The following MLIP variants were observed in gnomAD, a reference collection of about 807,000 sequenced individuals.
MLIP encodes muscular LMNA-interacting protein.
MLIP carries 79 observed loss-of-function variants against 84.8 expected under a neutral mutation model. The observed-to-expected ratio is 0.93, with a 90% CI of 0.78 to 1.12. MLIP has a LOEUF of 1.12. MLIP is among the 50% of genes most tolerant of loss of function. MLIP has a pLI of 0.00. For synonymous variants in MLIP, 504 were observed against 463.0 expected, an observed-to-expected ratio of 1.09 and a Z score of -1.14; for missense variants, 1,257 against 1,160.6, an observed-to-expected ratio of 1.08 and a Z score of -1.21.
rs375089613 is a variant in MLIP at position 54,092,818 on chromosome 6, T to C, written c.64-28629T>C. ...TCCCATTGACTTTCCATCACTTCAG[T>C]GTGTGATTTGAGTGGTTTTATTGCA... On this transcript the variant is annotated intron_variant, in intron 1 of 12. Transcript: ENST00000274897. 2.8e-4 allele frequency among the ~76,000 whole-genome samples: 43 copies of C among 152,200 alleles called. No homozygotes were observed. The South Asian group carries it at 5.0e-3, about 18-fold the overall frequency.
At chr6:54,156,813 T>C (rs561337365) in intron 5 of MLIP, among the ~76,000 whole-genome samples, 1 of 152,252 alleles carries the variant, frequency 6.6e-6, no homozygotes, top group African/African-American at 2.4e-5. Context: ...TATCATATTT[T>C]CTGTAGTCTA....
intron 8 of MLIP, among the ~76,000 whole-genome samples, chr6:54,168,833 G>C (rs1483889059): frequency 1.5e-4 from 22 of 147,560 alleles, no homozygotes; most frequent in Non-Finnish European, 3.0e-5. Flanking sequence ...TGGATGGTAA[G>C]GTCAATTTAG....
intron 11 of MLIP, chr6:54,215,370 G>T: frequency 7.7e-7 from 1 of 1,296,978 alleles, no homozygotes; most frequent in East Asian, 3.0e-5. Context: ...ACAAAAATGG[G>T]GCTACTAATC....
At chr6:54,261,490 T>C (rs1562120303) in intron 13 of MLIP, 11 of 740,052 alleles carry the variant, frequency 1.5e-5, no homozygotes, top group Non-Finnish European at 1.6e-5. Context: ...CAAATTCTTG[T>C]GTTTTCTTAT....
chr6:54,028,526 C>T (rs1193847886), intron 1 of MLIP, among the ~76,000 whole-genome samples: 1 of 152,184 alleles, frequency 6.6e-6, no homozygotes, highest in Non-Finnish European at 1.5e-5. Context: ...GAGAGTGGGG[C>T]ATTAACTTAG....
intron 1 of MLIP, among the ~76,000 whole-genome samples, chr6:54,101,958 C>T (rs1032949965): frequency 7.2e-5 from 11 of 152,196 alleles, no homozygotes; most frequent in African/African-American, 1.2e-4. Context: ...AGTATTCCTC[C>T]GAGTGTAGTT....
intron 4 of MLIP, among the ~76,000 whole-genome samples, chr6:54,141,308 C>T (rs1772275770): frequency 1.1e-5 from 1 of 91,060 alleles, no homozygotes; most frequent in Admixed American, 1.2e-4. Flanking sequence ...GCTGCTCAGC[C>T]TGCCTTTTTT....
At chr6:54,161,796 G>C (rs897792871) in intron 8 of MLIP, among the ~76,000 whole-genome samples, 4 of 151,688 alleles carry the variant, frequency 2.6e-5, no homozygotes, top group Non-Finnish European at 4.4e-5. Flanking sequence ...ACTCACAGGT[G>C]GATAATTGTA....
intron 1 of MLIP, chr6:54,063,213 AAAAAAAG>A (rs1044319736): frequency 6.6e-6 from 1 of 151,868 alleles, no homozygotes; most frequent in Non-Finnish European, 1.5e-5. Flanking sequence ...AGAAAAAAAA[AAAAAAAG>A]AAAAAGTTGC....
intron 9 of MLIP, among the ~76,000 whole-genome samples, chr6:54,186,166 C>G (rs1041665962): frequency 6.6e-6 from 1 of 152,152 alleles, no homozygotes; most frequent in Non-Finnish European, 1.5e-5. Flanking sequence ...AACATGGAAC[C>G]ATGAGGCTTT....
rs190697868 is a variant in MLIP at position 54,067,127 on chromosome 6, A to G, written c.63+48036A>G. ...CAACATCTGTGTGGAAAACAAATAC[A>G]CTGTAATTTACTGAAGGCATTTATT... On this transcript the variant is annotated intron_variant, in intron 1 of 12. Transcript: ENST00000274897. Among the ~76,000 whole-genome samples, 488 of 100,880 alleles carry G rather than the reference A, an allele frequency of 4.8e-3. 192 individuals carry two copies. The highest frequency in any genetic ancestry group is 0.014 in the Middle Eastern group (3 of 208). The allele number at this position is 100,880 out of a possible 152,430, so 66.2% of individuals were successfully genotyped here.
intron 9 of MLIP, among the ~76,000 whole-genome samples, chr6:54,176,939 C>T (rs530259804): frequency 6.6e-6 from 1 of 152,182 alleles, no homozygotes; most frequent in South Asian, 2.1e-4. Flanking sequence ...CTGACAAAAA[C>T]AAGCAATGGG....
chr6:54,140,647 A>C (rs1388486957), intron 4 of MLIP, among the ~76,000 whole-genome samples: 1 of 152,150 alleles, frequency 6.6e-6, no homozygotes, highest in African/African-American at 2.4e-5. Context: ...ATCTTGCTAT[A>C]TTATCTCTTT....
intron 1 of MLIP, among the ~76,000 whole-genome samples, chr6:54,022,960 G>T (rs553047384): frequency 6.6e-6 from 1 of 152,180 alleles, no homozygotes; most frequent in South Asian, 2.1e-4. Context: ...GAGGTCAGGA[G>T]ATCCAGACTA....
chr6:54,026,450 G>T (rs1581979506), intron 1 of MLIP, among the ~76,000 whole-genome samples: 1 of 152,094 alleles, frequency 6.6e-6, no homozygotes, highest in African/African-American at 2.4e-5. Context: ...TTTCTTTCTG[G>T]CCTCTTCTCC....
intron 9 of MLIP, among the ~76,000 whole-genome samples, chr6:54,173,527 C>A (rs1252425552): frequency 1.3e-5 from 2 of 151,686 alleles, no homozygotes; most frequent in African/African-American, 2.4e-5. Context: ...TTTCTTATGA[C>A]ACTCATTTTT....
chr6:54,121,689 T>C (rs1485561993), intron 2 of MLIP, 87 bp downstream of exon 2: 2 of 1,050,742 alleles, frequency 1.9e-6, no homozygotes, highest in Non-Finnish European at 2.7e-6. Flanking sequence ...ATATTTCCTG[T>C]GCTTAAATTA....
At chr6:54,101,421 TTTAA>T (rs1768638095) in intron 1 of MLIP, among the ~76,000 whole-genome samples, 1 of 59,380 alleles carries the variant, frequency 1.7e-5, no homozygotes, top group African/African-American at 8.6e-5. Context: ...TGTCACTTAA[TTTAA>T]TTTTTACATC....
intron 1 of MLIP, among the ~76,000 whole-genome samples, chr6:54,036,387 T>A (rs1764443821): frequency 6.6e-6 from 1 of 151,950 alleles, no homozygotes; most frequent in African/African-American, 2.4e-5. Context: ...GAACTCCCAG[T>A]CACCAGTGTA....
Sources: gnomAD v4.1 joint callset for allele counts (sites outside exome capture counted in the v4.1 genomes callset) on GRCh38, gnomAD v4.1.1 for gene constraint, MANE v1.5 for transcripts, NCBI Gene and HGNC (gene_info 2026-07-23, HGNC 2026-07-21) for gene names.